A4GALT: variants seen among roughly 807,000 people sequenced by gnomAD.
A4GALT encodes the protein alpha 1,4-galactosyltransferase (P1PK blood group).
For missense variants in A4GALT, 512 were observed against 486.0 expected (o/e 1.05, Z -0.50); for synonymous variants, 257 against 220.7 (o/e 1.16, Z -1.46).
intron 1 of A4GALT, among the ~76,000 whole-genome samples, 191 bp downstream of exon 1, chr22:42,720,606 G>A (rs569932151): frequency 5.9e-5 from 9 of 152,166 alleles, no homozygotes; most frequent in Non-Finnish European, 5.9e-5. Context: ...GGGTGGAGGC[G>A]GTGGCCGGGA....
intron 1 of A4GALT, among the ~76,000 whole-genome samples, chr22:42,705,110 A>G (rs1277594590): frequency 6.6e-6 from 1 of 152,170 alleles, no homozygotes; most frequent in Non-Finnish European, 1.5e-5. Context: ...GCAACAGAGG[A>G]GGGAGCCTTT....
chr22:42,718,191 A>T (rs1183248839), intron 1 of A4GALT: 1 of 152,270 alleles, frequency 6.6e-6, no homozygotes, highest in Non-Finnish European at 1.5e-5. Context: ...AATGCTCGTG[A>T]AATTATACTA....
intron 1 of A4GALT, among the ~76,000 whole-genome samples, chr22:42,696,120 T>TAAAAAAAAA (rs1930909108): frequency 1.9e-4 from 3 of 15,884 alleles, no homozygotes; most frequent in African/African-American, 8.2e-4. Flanking sequence ...AGACTCTATC[T>TAAAAAAAAA]CAAAAAAAAA....
intron 1 of A4GALT, among the ~76,000 whole-genome samples, chr22:42,695,892 C>T (rs374986541): frequency 1.4e-3 from 219 of 152,114 alleles, no homozygotes; most frequent in African/African-American, 5.1e-3. Flanking sequence ...AGAGGCCAGG[C>T]GTGGTGGCTC....
At chr22:42,706,878 A>T in intron 1 of A4GALT, among the ~76,000 whole-genome samples, 1 of 152,176 alleles carries the variant, frequency 6.6e-6, no homozygotes. Flanking sequence ...CTTAATATAA[A>T]ATGATGCAAA....
At chr22:42,715,542 G>A (rs2147044511) in intron 1 of A4GALT, among the ~76,000 whole-genome samples, 1 of 152,044 alleles carries the variant, frequency 6.6e-6, no homozygotes, top group East Asian at 2.0e-4. Context: ...GGCAACATAA[G>A]TGGACTCCTT....
At chr22:42,711,086 G>A (rs146353318) in intron 1 of A4GALT, among the ~76,000 whole-genome samples, 7 of 150,368 alleles carry the variant, frequency 4.7e-5, no homozygotes, top group Non-Finnish European at 7.4e-5. Flanking sequence ...CACATAAGTC[G>A]AATTTTTCTA....
chr22:42,716,926 G>A (rs558174789), intron 1 of A4GALT, among the ~76,000 whole-genome samples: 4 of 152,204 alleles, frequency 2.6e-5, no homozygotes. Context: ...TTCCTGTTTC[G>A]CTCTCATGTG....
At chr22:42,703,350 G>A (rs1412913276) in intron 1 of A4GALT, among the ~76,000 whole-genome samples, 1 of 149,254 alleles carries the variant, frequency 6.7e-6, no homozygotes, top group Non-Finnish European at 1.5e-5. Flanking sequence ...CTGCCACCCG[G>A]GTTCAAGTGA....
In A4GALT at chr22:42,703,128, G is replaced by GTGTGTGTT. The variant is rs751618910; in HGVS notation, c.-187-7498_-187-7497insAACACACA. On this transcript the variant is annotated intron_variant, in intron 1 of 2. Transcript: ENST00000642412. ...CCACTGTGTGTGTGTGTGTGTGTGT[G>GTGTGTGTT]TGTGTGTGTGTGTGTTGTCCCCACC... Among the ~76,000 whole-genome samples the GTGTGTGTT allele has an allele frequency of 1.4e-3, 210 of 151,726 alleles. 4 individuals are homozygous for GTGTGTGTT. Among genetic ancestry groups the GTGTGTGTT allele is most frequent in the Non-Finnish European group, 1.0e-3 (69 of 67,884 alleles).
intron 1 of A4GALT, among the ~76,000 whole-genome samples, chr22:42,706,794 CA>C (rs34531547): frequency 0.52 from 70,220 of 135,688 alleles, 16,858 homozygotes; most frequent in Middle Eastern, 0.6. Flanking sequence ...GACTCCATCT[CA>C]AAAAAAAAAA....
chr22:42,693,069 A>T lies in A4GALT; in HGVS notation c.883T>A (p.Tyr295Asn), dbSNP rs965600533. ...TCCTCGGGGTTGATGTCCTCAAAGT[A>T]CTTCTTCCAGTCCTGCCAGGGGATG... The part of the protein sequence containing the change: ...YPIPWQDWKK[Y>N]FEDINPEELP... Residue 295 changes from tyrosine (Y) to asparagine (N), a missense_variant, in exon 3 of 3, where the codon TAC becomes AAC. By Grantham distance (143) the Tyr-to-Asn change is moderately radical. Coordinates refer to ENST00000642412, the MANE Select transcript of A4GALT (RefSeq NM_017436.7). The T allele has an allele frequency of 1.2e-5, 19 of 1,612,482 alleles. No individual in the cohort carries two copies. The highest frequency in any genetic ancestry group is 1.6e-5 in the Non-Finnish European group (19 of 1,179,024).
At chr22:42,703,334 C>A (rs938238422) in intron 1 of A4GALT, among the ~76,000 whole-genome samples, 1 of 148,642 alleles carries the variant, frequency 6.7e-6, no homozygotes, top group African/African-American at 2.5e-5. Context: ...CAGCTCACTG[C>A]AACCTCTGCC....
At chr22:42,700,778 G>C (rs949588336) in intron 1 of A4GALT, among the ~76,000 whole-genome samples, 2 of 152,234 alleles carry the variant, frequency 1.3e-5, no homozygotes, top group Admixed American at 6.5e-5. Context: ...TGCATCTCCA[G>C]GGCCCAGCCC....
intron 1 of A4GALT, among the ~76,000 whole-genome samples, chr22:42,702,321 C>G (rs1042792744): frequency 6.6e-6 from 1 of 151,892 alleles, no homozygotes; most frequent in Non-Finnish European, 1.5e-5. Flanking sequence ...GGGGCTCCCC[C>G]ACCAGAGGAA....
intron 1 of A4GALT, among the ~76,000 whole-genome samples, chr22:42,710,850 T>C (rs974978393): frequency 6.6e-6 from 1 of 151,838 alleles, no homozygotes; most frequent in Non-Finnish European, 1.5e-5. Context: ...GGCAAAACCC[T>C]ATCTCTACTA....
upstream of A4GALT, chr22:42,721,283 G>A (rs559414471): frequency 6.6e-6 from 1 of 152,226 alleles, no homozygotes; most frequent in East Asian, 1.9e-4. Flanking sequence ...CAGTGTTTGC[G>A]GAATTCCAGT....
chr22:42,716,933 T>G (rs1407590324), intron 1 of A4GALT, among the ~76,000 whole-genome samples: 1 of 152,240 alleles, frequency 6.6e-6, no homozygotes, highest in Non-Finnish European at 1.5e-5. Context: ...TTCGCTCTCA[T>G]GTGCTGGTCC....
At chr22:42,701,716 C>T (rs2146985334) in intron 1 of A4GALT, among the ~76,000 whole-genome samples, 1 of 152,308 alleles carries the variant, frequency 6.6e-6, no homozygotes, top group Non-Finnish European at 1.5e-5. Context: ...GTACCACATT[C>T]CCCTGGCCGC....
Sources: allele counts gnomAD v4.1 joint callset (sites outside exome capture counted in the v4.1 genomes callset), GRCh38; gene constraint gnomAD v4.1.1; transcripts MANE v1.5; gene names NCBI Gene and HGNC (gene_info 2026-07-23, HGNC 2026-07-21).